The following TTC27 variants were observed in gnomAD, a reference collection of about 807,000 sequenced individuals.
TTC27 encodes the protein tetratricopeptide repeat domain 27.
Under a neutral mutation model 115.9 loss-of-function variants are expected in TTC27, and 79 were observed. That is an observed-to-expected ratio of 0.68 (90% confidence interval 0.57 to 0.82). TTC27 has a LOEUF of 0.82. Ranked by LOEUF, TTC27 falls within the 40% of genes least tolerant of loss-of-function variation. TTC27 has a pLI of 0.00. For missense variants in TTC27, 1,054 were observed against 993.1 expected, an observed-to-expected ratio of 1.06 and a Z score of -0.82; for synonymous variants, 401 against 356.0, an observed-to-expected ratio of 1.13 and a Z score of -1.42.
At position 32,736,685 on chromosome 2, in the gene TTC27, T is replaced by C. The variant is rs765373191; in HGVS notation, c.1330-9T>C. 1 of 1,613,656 alleles carries C rather than the reference T, an allele frequency of 6.2e-7. No individual in the cohort carries two copies. The highest frequency in any genetic ancestry group is 1.1e-5 in the South Asian group (1 of 91,042). The stretch of plus-strand genomic sequence containing the variant: ...AGAAGTATTAATTATTTTTACTTGA[T>C]TTTTCTAGCGCCAACTTGCAAGTTT... On this transcript the variant is annotated splice_polypyrimidine_tract_variant and intron_variant, in intron 11 of 19. Coordinates refer to ENST00000317907, the MANE Select transcript of TTC27 (RefSeq NM_017735.5).
intron 5 of TTC27, among the ~76,000 whole-genome samples, chr2:32,660,870 T>G (rs1183452437): frequency 6.6e-6 from 1 of 152,196 alleles, no homozygotes; most frequent in African/African-American, 2.4e-5. Flanking sequence ...TGGTATTGCC[T>G]AGGTTTTCTT....
chr2:32,717,401 T>C (rs1369989959), intron 10 of TTC27, among the ~76,000 whole-genome samples: 2 of 152,194 alleles, frequency 1.3e-5, no homozygotes, highest in African/African-American at 4.8e-5. Flanking sequence ...AATGCAGTGC[T>C]CCGTGTCTAA....
chr2:32,681,291 C>T (rs564275882), intron 9 of TTC27, among the ~76,000 whole-genome samples: 5 of 152,198 alleles, frequency 3.3e-5, no homozygotes, highest in African/African-American at 4.8e-5. Context: ...ACTGTCTCCC[C>T]GACATTTTTT....
intron 8 of TTC27, among the ~76,000 whole-genome samples, chr2:32,676,067 C>T (rs957294221): frequency 7.9e-5 from 12 of 152,132 alleles, no homozygotes; most frequent in Admixed American, 2.0e-4. Flanking sequence ...GCTGGGATTA[C>T]AGCTGTGAGC....
chr2:32,769,469 A>C (rs143441782), intron 13 of TTC27, among the ~76,000 whole-genome samples: 49 of 152,318 alleles, frequency 3.2e-4, no homozygotes, highest in African/African-American at 1.1e-3. Context: ...ATGAGAGACA[A>C]ATGTAGAGTG....
chr2:32,635,867 T>C (rs1263868832), intron 3 of TTC27, among the ~76,000 whole-genome samples: 1 of 152,142 alleles, frequency 6.6e-6, no homozygotes, highest in Non-Finnish European at 1.5e-5. Flanking sequence ...ATATACTTCA[T>C]TAGAGTAATT....
Position 32,787,098 on chromosome 2 carries a change from T to C in TTC27, c.1947T>C (p.Ile649=), listed in dbSNP as rs1218565694. Reference sequence around the variant, plus strand: ...ACGTTGGGGAATTTTCAGAAGCCATTAAAGCTTATCACCGGCTCTTGGACT... The same window carrying C: ...ACGTTGGGGAATTTTCAGAAGCCATCAAAGCTTATCACCGGCTCTTGGACT... ...STDVGEFSEA[I]KAYHRLLDLR... Residue 649 remains isoleucine, a synonymous_variant, in exon 16 of 20, where the codon ATT becomes ATC. Coordinates refer to ENST00000317907, the MANE Select transcript of TTC27 (RefSeq NM_017735.5). 1.9e-6 allele frequency: 3 copies of C among 1,614,026 alleles called. No individual in the cohort carries two copies. The highest frequency in any genetic ancestry group is 2.5e-6 in the Non-Finnish European group (3 of 1,179,958).
chr2:32,635,008 C>T (rs1260280295), intron 3 of TTC27, among the ~76,000 whole-genome samples: 1 of 152,098 alleles, frequency 6.6e-6, no homozygotes, highest in Admixed American at 6.6e-5. Context: ...GAGTGGTTTG[C>T]TCCCAGGGGT....
At chr2:32,781,436 A>T (rs1670176016) in intron 14 of TTC27, among the ~76,000 whole-genome samples, 1 of 151,978 alleles carries the variant, frequency 6.6e-6, no homozygotes, top group Non-Finnish European at 1.5e-5. Flanking sequence ...CCATTTTTTA[A>T]AAAAATTGTA....
intron 10 of TTC27, among the ~76,000 whole-genome samples, chr2:32,731,073 G>T (rs1274710433): frequency 4.0e-5 from 6 of 151,734 alleles, no homozygotes; most frequent in African/African-American, 7.3e-5. Flanking sequence ...TATGTGTGGG[G>T]TTTTTTTTGT....
chr2:32,733,833 T>TG lies in TTC27; in HGVS notation c.1240dup (p.Ala414GlyfsTer5), dbSNP rs1334838836. 6.2e-7 allele frequency: 1 copy of TG among 1,609,926 alleles called. No individual in the cohort carries two copies. The highest frequency in any genetic ancestry group is 2.2e-5 in the East Asian group (1 of 44,648). On this transcript the variant is annotated frameshift_variant, in exon 11 of 20. Transcript: ENST00000317907. LOFTEE classifies it high-confidence loss of function. ...TGTGATATATGTCCTTTAAGGCTCTTGCAGACCAATTTGAAGATAAAACTA... is the reference window on the plus strand; with the variant it reads ...TGTGATATATGTCCTTTAAGGCTCTTGGCAGACCAATTTGAAGATAAAACTA...
chr2:32,715,500 A>C (rs1454158988), intron 10 of TTC27, among the ~76,000 whole-genome samples: 1 of 152,056 alleles, frequency 6.6e-6, no homozygotes, highest in African/African-American at 2.4e-5. Flanking sequence ...TTGAAGTATG[A>C]TAATGTGATT....
At chr2:32,698,590 C>T (rs1036140137) in intron 9 of TTC27, among the ~76,000 whole-genome samples, 5 of 151,460 alleles carry the variant, frequency 3.3e-5, no homozygotes, top group African/African-American at 4.8e-5. Flanking sequence ...CGCCATTCTC[C>T]TGCCTCAGCC....
chr2:32,676,611 C>T (rs1666218102), intron 8 of TTC27, among the ~76,000 whole-genome samples: 1 of 150,288 alleles, frequency 6.7e-6, no homozygotes, highest in Non-Finnish European at 1.5e-5. Flanking sequence ...CTGCCTCAGT[C>T]TCCTGAGTAG....
chr2:32,711,310 G>C (rs1275411952), intron 10 of TTC27, among the ~76,000 whole-genome samples: 1 of 152,078 alleles, frequency 6.6e-6, no homozygotes, highest in African/African-American at 2.4e-5. Flanking sequence ...TTCTGCCTCC[G>C]CAGGGTAGTA....
In TTC27 at chr2:32,650,221, T is replaced by G; in HGVS notation, c.628T>G (p.Cys210Gly). 1 of 1,613,656 alleles carries G rather than the reference T, an allele frequency of 6.2e-7. No homozygotes were observed. The highest frequency in any genetic ancestry group is 1.3e-5 in the African/African-American group (1 of 75,034). The change falls in exon 5 of 20, where the codon TGT becomes GGT. Residue 210 changes from cysteine (C) to glycine (G), a missense_variant. Cys to Gly is a radical substitution (Grantham distance 159). Transcript: ENST00000317907. ...TCTGCTTTTTACTCTTGCCGAAAAC[T>G]GTATTGATCAAGGTATGTAGCAGAT... is the stretch of plus-strand genomic sequence containing the variant. ...SPLLFTLAEN[C>G]IDQVMKLQNL...
chr2:32,692,036 G>GTTTTTTTTTTTTTGTTTTTTTTTTTTT (rs1666831756), intron 9 of TTC27, among the ~76,000 whole-genome samples: 2 of 61,188 alleles, frequency 3.3e-5, no homozygotes, highest in African/African-American at 6.1e-5. Flanking sequence ...AATTTTTTAG[G>GTTTTTTTTTTTTTGTTTTTTTTTTTTT]TTTTTTTTTT....
chr2:32,677,065 AT>A (rs566460556), intron 8 of TTC27, among the ~76,000 whole-genome samples: 38 of 152,108 alleles, frequency 2.5e-4, no homozygotes, highest in African/African-American at 8.9e-4. Flanking sequence ...AAAAATTTTA[AT>A]TTCATGTTTT....
chr2:32,686,013 A>G (rs951043306), intron 9 of TTC27, among the ~76,000 whole-genome samples: 1 of 152,254 alleles, frequency 6.6e-6, no homozygotes. Flanking sequence ...TTCTTAGAAT[A>G]CAAGGTCAAT....
Sources: gnomAD v4.1 joint callset for allele counts (sites outside exome capture counted in the v4.1 genomes callset) on GRCh38, gnomAD v4.1.1 for gene constraint, MANE v1.5 for transcripts, NCBI Gene and HGNC (gene_info 2026-07-23, HGNC 2026-07-21) for gene names.